LNX1: variants seen among roughly 807,000 people sequenced by gnomAD.
LNX1 encodes ligand of numb-protein X 1, also known as E3 ubiquitin-protein ligase LNX.
LNX1 carries 54 observed loss-of-function variants against 68.4 expected under a neutral mutation model. The observed-to-expected ratio is 0.79, with a 90% CI of 0.63 to 0.99. The LOEUF (loss-of-function observed/expected upper bound fraction) is 0.99, where lower values mean the gene tolerates loss of function less well. Ranked by LOEUF, LNX1 falls within the 50% of genes least tolerant of loss-of-function variation. The probability of loss-of-function intolerance (pLI) is 0.00; values close to 1 mark genes in which losing one functional copy is unlikely to be tolerated. For synonymous variants in LNX1, 336 were observed against 350.0 expected (o/e 0.96, Z 0.45); for missense variants, 906 against 926.4 (o/e 0.98, Z 0.29).
intron 2 of LNX1, among the ~76,000 whole-genome samples, chr4:53,521,381 C>A (rs369705482): frequency 1.1e-4 from 16 of 152,312 alleles, no homozygotes; most frequent in African/African-American, 3.6e-4. Flanking sequence ...TGCATTCCAT[C>A]GCATTCTCAG....
chr4:53,471,706 C>T (rs1011638029), intron 9 of LNX1, among the ~76,000 whole-genome samples: 4 of 152,106 alleles, frequency 2.6e-5, no homozygotes, highest in African/African-American at 9.7e-5. Context: ...CAAAAGAAGA[C>T]ATTTATGCAG....
rs184973358 is a variant in LNX1 at position 53,546,127 on chromosome 4, A to G, written c.380+27496T>C. ...GGGCCAGAGGCCACATTTTTAATCAATACAAGCTAAAGCTTGTTAATGTTT... is the reference window on the plus strand; with the variant it reads ...GGGCCAGAGGCCACATTTTTAATCAGTACAAGCTAAAGCTTGTTAATGTTT... On this transcript the variant is annotated intron_variant, in intron 2 of 10. Transcript: ENST00000263925. 2.5e-3 allele frequency among the ~76,000 whole-genome samples: 380 copies of G among 152,314 alleles called. 1 individual carries two copies. Among genetic ancestry groups the G allele is most frequent in the African/African-American group, 8.2e-3 (341 of 41,572 alleles).
chr4:53,576,447 A>G (rs1359681606), intron 1 of LNX1: 1 of 1,414,890 alleles, frequency 7.1e-7, no homozygotes, highest in Admixed American at 2.8e-5. Context: ...GATGGTGCCA[A>G]AGTGCAGCTG....
chr4:53,641,250 A>G (rs1734671720), intron 1 of LNX1, among the ~76,000 whole-genome samples: 1 of 152,186 alleles, frequency 6.6e-6, no homozygotes, highest in Admixed American at 6.5e-5. Flanking sequence ...AGGGATTTCT[A>G]GCTATGCAAA....
Position 53,461,686 on chromosome 4 carries a change from A to T in LNX1, c.1893-93T>A. 1.4e-5 allele frequency: 14 copies of T among 974,704 alleles called. No homozygotes were observed. The South Asian group carries it at 2.5e-4, about 17-fold the overall frequency. 60.4% of individuals were successfully genotyped at this position (974,704 alleles called of 1,614,324 possible). A position where few individuals can be genotyped will look rare whatever the true frequency, so the allele number is the denominator to read the frequency against. On this transcript the variant is annotated intron_variant, in intron 9 of 10. Coordinates refer to ENST00000263925, the MANE Select transcript of LNX1 (RefSeq NM_001126328.3). ...CTCATCCTCCATTCCTTTTGTTGGC[A>T]TTTTTAATGGCTAAGTACCACTGCA...
At chr4:53,573,209 G>T (rs1271079592) in intron 2 of LNX1, among the ~76,000 whole-genome samples, 1 of 152,210 alleles carries the variant, frequency 6.6e-6, no homozygotes, top group South Asian at 2.1e-4. Context: ...GAGACAAAAA[G>T]TGGAATGGTG....
At chr4:53,538,215 G>A (rs1237100373) in intron 2 of LNX1, among the ~76,000 whole-genome samples, 2 of 152,220 alleles carry the variant, frequency 1.3e-5, no homozygotes, top group East Asian at 3.8e-4. Flanking sequence ...GATTGCTCCT[G>A]TGGTTGGGAC....
intron 10 of LNX1, 22 bp downstream of exon 10, chr4:53,461,413 T>TTTGA: frequency 6.4e-7 from 1 of 1,560,532 alleles, no homozygotes; most frequent in Non-Finnish European, 8.8e-7. Context: ...TACAAGTATT[T>TTTGA]TTGATTAGTC....
chr4:53,576,397 T>C, intron 1 of LNX1: 4 of 1,555,166 alleles, frequency 2.6e-6, no homozygotes, highest in Non-Finnish European at 2.6e-6. Context: ...ACCCCTCACA[T>C]GACCAGTCCT....
upstream of LNX1, among the ~76,000 whole-genome samples, chr4:53,622,270 C>T (rs776053580): frequency 1.2e-4 from 18 of 152,212 alleles, no homozygotes; most frequent in Non-Finnish European, 1.9e-4. Flanking sequence ...TGCAATAAAT[C>T]CAACTTTGTT....
intron 1 of LNX1, among the ~76,000 whole-genome samples, chr4:53,580,156 A>G (rs1731743229): frequency 6.6e-6 from 1 of 152,186 alleles, no homozygotes; most frequent in African/African-American, 2.4e-5. Flanking sequence ...GCTTTGATTA[A>G]TAGAGGAAAA....
intron 9 of LNX1, among the ~76,000 whole-genome samples, chr4:53,475,763 C>G (rs1341670150): frequency 2.0e-5 from 3 of 152,186 alleles, no homozygotes; most frequent in African/African-American, 7.2e-5. Flanking sequence ...TTTTGTAGGG[C>G]TGACCCCAAA....
chr4:53,477,068 G>T, intron 8 of LNX1, 87 bp from the exon 9 acceptor site: 1 of 1,105,728 alleles, frequency 9.0e-7, no homozygotes, highest in Non-Finnish European at 1.4e-6. Context: ...GGGCTGACTG[G>T]GATTGCAGGG....
intron 6 of LNX1, among the ~76,000 whole-genome samples, chr4:53,491,542 T>C (rs192263922): frequency 2.3e-3 from 343 of 152,266 alleles, no homozygotes; most frequent in Non-Finnish European, 3.8e-3. Context: ...GCTCAGTCAA[T>C]AATCACTGAA....
In LNX1 at chr4:53,557,947, G is replaced by A. The variant is rs749497674; in HGVS notation, c.380+15676C>T. On this transcript the variant is annotated intron_variant, in intron 2 of 10. Coordinates refer to ENST00000263925, the MANE Select transcript of LNX1 (RefSeq NM_001126328.3). ...GCAGGACTGAGCCAAGGCAAGACCA[G>A]CAACAGAAGCGCCTTCATTCTCCGA... 3.7e-6 allele frequency: 6 copies of A among 1,613,496 alleles called. No individual in the cohort carries two copies. In the Admixed American group the frequency reaches 8.3e-5, roughly 22 times the overall value.
intron 2 of LNX1, among the ~76,000 whole-genome samples, chr4:53,511,753 G>C (rs979520709): frequency 6.6e-6 from 1 of 152,166 alleles, no homozygotes; most frequent in Admixed American, 6.5e-5. Flanking sequence ...GAGAGTTGGA[G>C]ACGAGACACA....
intron 1 of LNX1, among the ~76,000 whole-genome samples, chr4:53,648,201 T>C (rs1377786025): frequency 1.3e-5 from 2 of 152,246 alleles, no homozygotes; most frequent in Non-Finnish European, 2.9e-5. Context: ...AATAGCTGTA[T>C]CAGTCTACAT....
chr4:53,463,717 C>CAA (rs1722392554), intron 9 of LNX1, among the ~76,000 whole-genome samples: 1 of 152,034 alleles, frequency 6.6e-6, no homozygotes, highest in Admixed American at 6.6e-5. Context: ...ACCTCAAGAA[C>CAA]AAATTTAATG....
At chr4:53,571,746 CA>C in intron 2 of LNX1, among the ~76,000 whole-genome samples, 1 of 152,144 alleles carries the variant, frequency 6.6e-6, no homozygotes, top group East Asian at 1.9e-4. Context: ...ACTTCACCCT[CA>C]ACTCCCAGGC....
Sources: gnomAD v4.1 joint callset for allele counts (sites outside exome capture counted in the v4.1 genomes callset) on GRCh38, gnomAD v4.1.1 for gene constraint, MANE v1.5 for transcripts, NCBI Gene and HGNC (gene_info 2026-07-23, HGNC 2026-07-21) for gene names.